CREB3L2: variants seen among roughly 807,000 people sequenced by gnomAD.
The protein encoded by CREB3L2 is cyclic AMP-responsive element-binding protein 3-like protein 2.
In CREB3L2, 23 loss-of-function variants were observed where a neutral mutation model predicts 57.2. The ratio of observed to expected loss-of-function variants is 0.40; its 90% confidence interval spans 0.29 to 0.57. The LOEUF is 0.57. CREB3L2 is among the 20% of genes least tolerant of loss of function. The pLI is 0.42. For synonymous variants in CREB3L2, 268 were observed against 265.1 expected, an observed-to-expected ratio of 1.01 and a Z score of -0.11; for missense variants, 628 against 634.7, an observed-to-expected ratio of 0.99 and a Z score of 0.11.
intron 6 of CREB3L2, among the ~76,000 whole-genome samples, chr7:137,905,450 G>A (rs1234823756): frequency 5.3e-5 from 8 of 150,542 alleles, no homozygotes; most frequent in African/African-American, 2.0e-4. Flanking sequence ...ACCCGTAAAT[G>A]TATCATCGTG....
At chr7:137,887,742 C>G (rs1215449222) in intron 8 of CREB3L2, among the ~76,000 whole-genome samples, 4 of 152,032 alleles carry the variant, frequency 2.6e-5, no homozygotes, top group Non-Finnish European at 5.9e-5. Context: ...GCGTTTCTAT[C>G]TACATGACAT....
chr7:137,969,109 T>C (rs774719646), intron 1 of CREB3L2, among the ~76,000 whole-genome samples: 1 of 152,102 alleles, frequency 6.6e-6, no homozygotes, highest in African/African-American at 2.4e-5. Flanking sequence ...TCCAGCAAGA[T>C]CCCTGGTCTC....
At chr7:137,892,210 A>G (rs1288981301) in intron 8 of CREB3L2, among the ~76,000 whole-genome samples, 1 of 152,204 alleles carries the variant, frequency 6.6e-6, no homozygotes, top group African/African-American at 2.4e-5. Context: ...CGATTTGTGA[A>G]GCATTCATAT....
intron 1 of CREB3L2, among the ~76,000 whole-genome samples, chr7:137,984,583 T>C (rs565270041): frequency 2.0e-5 from 3 of 152,216 alleles, no homozygotes; most frequent in African/African-American, 4.8e-5. Context: ...ATGAGATAAA[T>C]AGGCCCTTAC....
intron 1 of CREB3L2, among the ~76,000 whole-genome samples, chr7:137,993,412 C>T (rs1206536374): frequency 6.6e-6 from 1 of 152,172 alleles, no homozygotes; most frequent in African/African-American, 2.4e-5. Flanking sequence ...GTTCTCTAAT[C>T]AAAACAAGAA....
chr7:137,995,392 T>C (rs1328934347), intron 1 of CREB3L2, among the ~76,000 whole-genome samples: 2 of 127,498 alleles, frequency 1.6e-5, no homozygotes, highest in Non-Finnish European at 3.1e-5. Flanking sequence ...TGGAGTGCAG[T>C]GGCATGATCT....
At chr7:137,946,247 C>T (rs1800971493) in intron 1 of CREB3L2, among the ~76,000 whole-genome samples, 1 of 151,942 alleles carries the variant, frequency 6.6e-6, no homozygotes, top group South Asian at 2.1e-4. Context: ...ATGGTGAAGG[C>T]AATTTTGCAG....
At chr7:137,958,584 A>G (rs1801261968) in intron 1 of CREB3L2, among the ~76,000 whole-genome samples, 2 of 152,242 alleles carry the variant, frequency 1.3e-5, no homozygotes, top group African/African-American at 4.8e-5. Flanking sequence ...GATGAGTGAT[A>G]AGAGTTTTAA....
At chr7:137,936,629 C>T (rs1237413686) in intron 1 of CREB3L2, among the ~76,000 whole-genome samples, 1 of 152,102 alleles carries the variant, frequency 6.6e-6, no homozygotes, top group African/African-American at 2.4e-5. Context: ...AATGACAGTC[C>T]TGCCTGAGAA....
At chr7:137,976,118 C>T (rs768539097) in intron 1 of CREB3L2, among the ~76,000 whole-genome samples, 3 of 152,252 alleles carry the variant, frequency 2.0e-5, no homozygotes, top group Non-Finnish European at 2.9e-5. Context: ...GCCCTCAGAA[C>T]TCTGATTAGC....
chr7:137,915,879 G>A lies in CREB3L2; in HGVS notation c.453C>T (p.Thr151=). 1 of 1,614,140 alleles carries A rather than the reference G, an allele frequency of 6.2e-7. No individual in the cohort carries two copies. Among genetic ancestry groups the A allele is most frequent in the East Asian group, 2.2e-5 (1 of 44,888 alleles). Reference sequence around the variant, plus strand: ...GAGGAGGTTCCTCCTTTTCCAACGGGGTGGAGATGGCTGTGATGGTCAGAG... The same window carrying A: ...GAGGAGGTTCCTCCTTTTCCAACGGAGTGGAGATGGCTGTGATGGTCAGAG... ...SVTLTITAIS[T]PLEKEEPPLE... is the part of the protein sequence containing the mutation. Residue 151 remains threonine, a synonymous_variant, in exon 3 of 12, where the codon ACC becomes ACT. Transcript: ENST00000330387.
At chr7:137,979,592 G>A (rs1482280889) in intron 1 of CREB3L2, among the ~76,000 whole-genome samples, 4 of 152,182 alleles carry the variant, frequency 2.6e-5, no homozygotes, top group Admixed American at 6.5e-5. Context: ...CGGGCGTGGT[G>A]GTGGGCGCCT....
At chr7:137,962,519 ACCCTGGGGAAC>A (rs1801340935) in intron 1 of CREB3L2, among the ~76,000 whole-genome samples, 1 of 151,564 alleles carries the variant, frequency 6.6e-6, no homozygotes, top group African/African-American at 2.4e-5. Context: ...TCCAGCATAC[ACCCTGGGGAAC>A]CACTTTTGCC....
chr7:137,987,641 G>C (rs1801814700), intron 1 of CREB3L2, among the ~76,000 whole-genome samples: 1 of 152,206 alleles, frequency 6.6e-6, no homozygotes, highest in Non-Finnish European at 1.5e-5. Flanking sequence ...GGAGCTTTTT[G>C]TATTTCTGCT....
intron 1 of CREB3L2, among the ~76,000 whole-genome samples, chr7:137,991,050 G>C (rs1423923286): frequency 6.6e-6 from 1 of 152,132 alleles, no homozygotes; most frequent in Non-Finnish European, 1.5e-5. Flanking sequence ...TCAGAAAACA[G>C]AGACTACAAA....
At chr7:137,935,031 A>C (rs1800751255) in intron 1 of CREB3L2, among the ~76,000 whole-genome samples, 1 of 152,186 alleles carries the variant, frequency 6.6e-6, no homozygotes. Flanking sequence ...TTGCAATCCT[A>C]ATGGTCACAG....
chr7:137,966,383 A>G (rs1446137437), intron 1 of CREB3L2, among the ~76,000 whole-genome samples: 1 of 152,248 alleles, frequency 6.6e-6, no homozygotes, highest in Non-Finnish European at 1.5e-5. Flanking sequence ...AATTCAGTCA[A>G]CAAAGAAAAC....
At chr7:137,924,855 G>T (rs1800417997) in intron 2 of CREB3L2, among the ~76,000 whole-genome samples, 1 of 152,154 alleles carries the variant, frequency 6.6e-6, no homozygotes, top group African/African-American at 2.4e-5. Flanking sequence ...TAGTGTTTCA[G>T]AAGTCTACAA....
At chr7:137,985,056 C>T (rs922741369) in intron 1 of CREB3L2, among the ~76,000 whole-genome samples, 3 of 152,178 alleles carry the variant, frequency 2.0e-5, no homozygotes, top group East Asian at 1.9e-4. Context: ...AAATGTGTAA[C>T]TTAACTTCCA....
Sources: gnomAD v4.1 joint callset for allele counts (sites outside exome capture counted in the v4.1 genomes callset) on GRCh38, gnomAD v4.1.1 for gene constraint, MANE v1.5 for transcripts, NCBI Gene and HGNC (gene_info 2026-07-23, HGNC 2026-07-21) for gene names.